Variants in XIRP2 observed in about 807,000 individuals in gnomAD.
The protein encoded by XIRP2 is xin actin-binding repeat-containing protein 2.
A neutral mutation model predicts 277.0 loss-of-function variants in XIRP2; 236 were observed. The ratio of observed to expected loss-of-function variants is 0.85; its 90% CI spans 0.77 to 0.95. XIRP2 has a LOEUF of 0.95. Ranked by LOEUF, XIRP2 falls within the 40% of genes least tolerant of loss-of-function variation. The pLI, the probability that XIRP2 is intolerant of heterozygous loss-of-function variation, is 0.00. For missense variants in XIRP2, 4,640 were observed against 4,157.5 expected (o/e 1.12, Z -3.19); for synonymous variants, 1,490 against 1,416.5 (o/e 1.05, Z -1.17).
At chr2:167,174,268 A>C (rs939949469) in intron 3 of XIRP2, among the ~76,000 whole-genome samples, 8 of 152,168 alleles carry the variant, frequency 5.3e-5, no homozygotes, top group African/African-American at 1.9e-4. Flanking sequence ...TTGGTAGGCT[A>C]TTAATTACTG....
intron 2 of XIRP2, among the ~76,000 whole-genome samples, chr2:166,943,389 C>T (rs1685772634): frequency 6.6e-6 from 1 of 152,204 alleles, no homozygotes. Flanking sequence ...TCTTTGCTTT[C>T]TCCTTGTTCT....
At chr2:167,008,745 C>T (rs1374596337) in intron 2 of XIRP2, among the ~76,000 whole-genome samples, 2 of 151,356 alleles carry the variant, frequency 1.3e-5, no homozygotes, top group African/African-American at 2.4e-5. Flanking sequence ...AATTATGGAC[C>T]TTTGTGCATC....
chr2:167,012,404 C>T (rs545194879), intron 2 of XIRP2, among the ~76,000 whole-genome samples: 1 of 151,874 alleles, frequency 6.6e-6, no homozygotes, highest in East Asian at 1.9e-4. Context: ...GACTAGATTT[C>T]TGTCCTAAAT....
At chr2:167,011,490 A>T (rs1687678241) in intron 2 of XIRP2, among the ~76,000 whole-genome samples, 1 of 151,442 alleles carries the variant, frequency 6.6e-6, no homozygotes, top group South Asian at 2.1e-4. Flanking sequence ...TTTATTGAGG[A>T]TTTTTGCATC....
chr2:167,112,111 A>G (rs1690774640), intron 2 of XIRP2, among the ~76,000 whole-genome samples: 1 of 151,922 alleles, frequency 6.6e-6, no homozygotes, highest in Non-Finnish European at 1.5e-5. Context: ...TTCAAAAACC[A>G]ACTTCTGGAT....
chr2:167,028,375 G>T (rs963660946), intron 2 of XIRP2, among the ~76,000 whole-genome samples: 1 of 151,984 alleles, frequency 6.6e-6, no homozygotes, highest in Admixed American at 6.6e-5. Context: ...GACTCCATTT[G>T]TTGAGCAGAA....
At position 167,245,885 on chromosome 2, in the gene XIRP2, CTTTCG is replaced by C; in HGVS notation, c.4494_4498del (p.Asp1500TyrfsTer6). On this transcript the variant is annotated frameshift_variant, in exon 9 of 11. Transcript: ENST00000409195. LOFTEE classifies it high-confidence loss of function. ...GCTGTGTGGCTTTTTGAAAATCGAA[CTTTCG>C]ATTCTATTATGGAAGCACATAAAGG... The C allele has an allele frequency of 6.2e-7, 1 of 1,613,684 alleles. No homozygotes were observed. The highest frequency in any genetic ancestry group is 1.3e-5 in the African/African-American group (1 of 75,010).
intron 2 of XIRP2, among the ~76,000 whole-genome samples, chr2:166,924,258 A>C (rs1223626505): frequency 6.6e-6 from 1 of 152,040 alleles, no homozygotes; most frequent in South Asian, 2.1e-4. Flanking sequence ...TGGGTTAGGA[A>C]GTCTGAGGAT....
At chr2:167,093,763 A>G (rs1690217463) in intron 2 of XIRP2, among the ~76,000 whole-genome samples, 1 of 152,056 alleles carries the variant, frequency 6.6e-6, no homozygotes, top group African/African-American at 2.4e-5. Flanking sequence ...TGTGAATAGG[A>G]CCGCAATAAA....
rs115129986 is a variant in XIRP2 at position 166,962,710 on chromosome 2, G to A, written c.408+58820G>A. On this transcript the variant is annotated intron_variant, in intron 2 of 10. Transcript: ENST00000409195. ...TAATCCAATGTCAGTAATGGCAGGAGGGTAATTCTGATTTTCCAAATAGAG... is the reference window on the plus strand; with the variant it reads ...TAATCCAATGTCAGTAATGGCAGGAAGGTAATTCTGATTTTCCAAATAGAG... Among the ~76,000 whole-genome samples, 968 of 151,796 alleles carry A rather than the reference G, an allele frequency of 6.4e-3. 14 individuals carry two copies. The highest frequency in any genetic ancestry group is 0.022 in the African/African-American group (919 of 41,482).
chr2:166,906,343 T>G (rs2105339566), intron 2 of XIRP2, among the ~76,000 whole-genome samples: 1 of 152,210 alleles, frequency 6.6e-6, no homozygotes, highest in Admixed American at 6.6e-5. Flanking sequence ...TATGTACATC[T>G]ATTTACAAGT....
intron 2 of XIRP2, among the ~76,000 whole-genome samples, chr2:167,024,051 T>C (rs1256980138): frequency 6.6e-6 from 1 of 152,150 alleles, no homozygotes; most frequent in African/African-American, 2.4e-5. Context: ...TTGTGCAGTA[T>C]GGCCATTTTC....
intron 2 of XIRP2, among the ~76,000 whole-genome samples, chr2:166,995,406 G>T (rs1293704675): frequency 2.6e-5 from 4 of 152,242 alleles, no homozygotes; most frequent in South Asian, 2.1e-4. Context: ...ATTACTGAAG[G>T]TTCCACGGAG....
At chr2:167,046,776 A>G (rs1163497689) in intron 2 of XIRP2, among the ~76,000 whole-genome samples, 1 of 151,902 alleles carries the variant, frequency 6.6e-6, no homozygotes, top group Non-Finnish European at 1.5e-5. Context: ...CCTAATTGAG[A>G]GTGGAAGGTG....
chr2:167,084,581 T>A (rs1436417515), intron 2 of XIRP2, among the ~76,000 whole-genome samples: 2 of 151,892 alleles, frequency 1.3e-5, no homozygotes, highest in Admixed American at 1.3e-4. Flanking sequence ...TGGAGTCTTT[T>A]TGGTTGGTAA....
intron 2 of XIRP2, among the ~76,000 whole-genome samples, chr2:166,986,147 A>C (rs10930260): frequency 0.037 from 5,602 of 152,228 alleles, 116 homozygotes; most frequent in East Asian, 0.061. Context: ...CATACATTTA[A>C]ACTGATGAGG....
intron 2 of XIRP2, among the ~76,000 whole-genome samples, chr2:167,094,482 TA>T (rs1362430412): frequency 6.6e-6 from 1 of 152,232 alleles, no homozygotes; most frequent in Non-Finnish European, 1.5e-5. Flanking sequence ...CATCTTGAGT[TA>T]ATTTTTGTAT....
At chr2:166,974,819 T>C (rs939665898) in intron 2 of XIRP2, among the ~76,000 whole-genome samples, 2 of 152,042 alleles carry the variant, frequency 1.3e-5, no homozygotes, top group African/African-American at 2.4e-5. Flanking sequence ...GTAAATGGAC[T>C]AAATATTTAA....
chr2:167,125,588 G>C (rs986511975), intron 2 of XIRP2, among the ~76,000 whole-genome samples: 1 of 152,122 alleles, frequency 6.6e-6, no homozygotes, highest in Non-Finnish European at 1.5e-5. Flanking sequence ...GATGTATTTA[G>C]AGCAGAGCAC....
Sources: allele counts gnomAD v4.1 joint callset (sites outside exome capture counted in the v4.1 genomes callset), GRCh38; gene constraint gnomAD v4.1.1; transcripts MANE v1.5; gene names NCBI Gene and HGNC (gene_info 2026-07-23, HGNC 2026-07-21).